The following FAM200B variants were observed in gnomAD, a reference collection of about 807,000 sequenced individuals.
FAM200B encodes the protein zinc finger BED-type containing 11.
FAM200B carries 32 observed loss-of-function variants against 33.1 expected under a neutral mutation model. That is an observed-to-expected ratio of 0.97 (90% CI 0.73 to 1.30). FAM200B has a LOEUF of 1.30. Ranked by LOEUF, FAM200B falls within the 50% of genes most tolerant of loss-of-function variation. FAM200B has a pLI of 0.00. For missense variants in FAM200B, 741 were observed against 754.0 expected (o/e 0.98, Z 0.20); for synonymous variants, 240 against 264.8 (o/e 0.91, Z 0.91).
intron 1 of FAM200B, among the ~76,000 whole-genome samples, chr4:15,684,409 A>G (rs1170653171): frequency 1.3e-5 from 2 of 152,254 alleles, no homozygotes; most frequent in Non-Finnish European, 2.9e-5. Flanking sequence ...AAGTCAAACA[A>G]AAGACTTTGT....
Position 15,687,745 on chromosome 4 carries a change from T to C in FAM200B, c.768T>C (p.Asp256=), listed in dbSNP as rs1430227332. ...CGTGGCAAGATGATTTTTTGGAGGA[T>C]TTTTTGTGTTTTTTAAATTTAACCT... ...RYAWQDDFLE[D]FLCFLNLTSH... is the part of the protein sequence containing the mutation. Residue 256 remains aspartate (D), a synonymous_variant, in exon 2 of 2, where the codon GAT becomes GAC. Coordinates refer to ENST00000422728, the MANE Select transcript of FAM200B (RefSeq NM_001145191.2). The C allele has an allele frequency of 2.6e-6, 4 of 1,550,422 alleles. No homozygotes were observed. The highest frequency in any genetic ancestry group is 2.0e-5 in the Admixed American group (1 of 50,894).
chr4:15,687,147 A>G lies in FAM200B; in HGVS notation c.170A>G (p.Lys57Arg), dbSNP rs1718926729. 2 of 1,547,710 alleles carry G rather than the reference A, an allele frequency of 1.3e-6. No homozygotes were observed. Among genetic ancestry groups the G allele is most frequent in the African/African-American group, 2.7e-5 (2 of 72,978 alleles). The change falls in exon 2 of 2, where the codon AAA (lysine) becomes AGA (arginine). Residue 57 changes from lysine (K) to arginine (R), a missense_variant. Transcript: ENST00000422728. Reference protein sequence around the residue: ...TSFEPHFKKKKVSARRYNEDY... With the variant: ...TSFEPHFKKKRVSARRYNEDY... Reference sequence around the variant, plus strand: ...TTTGAGCCACATTTCAAAAAGAAAAAAGTAAGTGCAAGACGTTATAATGAA... The same window carrying G: ...TTTGAGCCACATTTCAAAAAGAAAAGAGTAAGTGCAAGACGTTATAATGAA...
Position 15,687,963 on chromosome 4 carries a change from A to T in FAM200B, c.986A>T (p.His329Leu). Residue 329 changes from histidine (H) to leucine (L), a missense_variant, in exon 2 of 2, where the codon CAT (histidine) becomes CTT (leucine). Transcript: ENST00000422728. The part of the protein sequence containing the change: ...NGAVWNHCFI[H>L]REGLASREIP... ...GCTGTGTGGAATCATTGTTTTATAC[A>T]TCGTGAAGGTTTAGCATCCAGAGAA... 6.4e-7 allele frequency: 1 copy of T among 1,551,284 alleles called. No homozygotes were observed. Among genetic ancestry groups the T allele is most frequent in the South Asian group, 1.2e-5 (1 of 84,062 alleles).
At position 15,688,492 on chromosome 4, in the gene FAM200B, A is replaced by G; in HGVS notation, c.1515A>G (p.Lys505=). ...IINENILKEI[K]LEILLHLTSL... is the part of the protein sequence containing the mutation. ...ATGAAAACATTTTGAAAGAAATAAA[A>G]TTAGAGATATTGTTGCATCTCACTT... Residue 505 remains lysine, a synonymous_variant, in exon 2 of 2, where the codon AAA becomes AAG. Coordinates refer to ENST00000422728, the MANE Select transcript of FAM200B (RefSeq NM_001145191.2). 3.9e-6 allele frequency: 6 copies of G among 1,540,392 alleles called. No individual in the cohort carries two copies. The highest frequency in any genetic ancestry group is 5.3e-6 in the Non-Finnish European group (6 of 1,138,314).
chr4:15,683,240 G>C (rs1355145596), intron 1 of FAM200B, among the ~76,000 whole-genome samples: 1 of 151,956 alleles, frequency 6.6e-6, no homozygotes, highest in East Asian at 1.9e-4. Flanking sequence ...ATTTTCTTCT[G>C]ACAAACTTGC....
At chr4:15,652,969 T>G in the FAM200B span, among the ~76,000 whole-genome samples, 8 of 152,340 alleles carry the variant, frequency 5.3e-5, 1 homozygote, top group Admixed American at 5.2e-4. Context: ...AACAAGGTAC[T>G]CTTCCTTTAA....
chr4:15,642,450 G>C, the FAM200B span, among the ~76,000 whole-genome samples: 1 of 151,950 alleles, frequency 6.6e-6, no homozygotes, highest in Non-Finnish European at 1.5e-5. Context: ...TGGCCAGGCT[G>C]GTCTCGAACT....
chr4:15,666,321 C>T, the FAM200B span, among the ~76,000 whole-genome samples: 129 of 151,872 alleles, frequency 8.5e-4, no homozygotes, highest in Non-Finnish European at 1.5e-3. Flanking sequence ...ATTGCTTGAG[C>T]CCAGGATGGT....
chr4:15,637,065 A>G, the FAM200B span, among the ~76,000 whole-genome samples: 5 of 152,218 alleles, frequency 3.3e-5, no homozygotes, highest in Non-Finnish European at 5.9e-5. Context: ...TGAGATCTCC[A>G]AGGCATTTTT....
upstream of FAM200B, among the ~76,000 whole-genome samples, chr4:15,676,826 G>C (rs1718012045): frequency 6.6e-6 from 1 of 152,116 alleles, no homozygotes; most frequent in South Asian, 2.1e-4. Context: ...TTTCAGTTCT[G>C]TTAAGTACAT....
chr4:15,643,309 T>A, the FAM200B span, among the ~76,000 whole-genome samples: 1 of 152,218 alleles, frequency 6.6e-6, no homozygotes, highest in African/African-American at 2.4e-5. Context: ...TTCCAGAACA[T>A]AAATCTCCAG....
the FAM200B span, chr4:15,638,705 C>G: frequency 6.6e-7 from 1 of 1,520,910 alleles, no homozygotes; most frequent in Non-Finnish European, 8.9e-7. Context: ...CTAAATTAAA[C>G]AAAATATTCA....
At chr4:15,645,877 C>G in the FAM200B span, among the ~76,000 whole-genome samples, 2 of 152,096 alleles carry the variant, frequency 1.3e-5, no homozygotes, top group Non-Finnish European at 2.9e-5. Flanking sequence ...ATTTTTTACT[C>G]TATACAAATA....
At chr4:15,670,903 C>A in the FAM200B span, among the ~76,000 whole-genome samples, 4,593 of 134,314 alleles carry the variant, frequency 0.034, 227 homozygotes, top group African/African-American at 0.12. Context: ...GACATTTTCT[C>A]TGTGCGTAGA....
chr4:15,671,161 T>A, the FAM200B span, among the ~76,000 whole-genome samples: 1 of 151,618 alleles, frequency 6.6e-6, no homozygotes, highest in African/African-American at 2.4e-5. Flanking sequence ...TGACCTCAAG[T>A]GATTTGCCAG....
upstream of FAM200B, among the ~76,000 whole-genome samples, chr4:15,679,282 G>T (rs928318581): frequency 1.3e-5 from 2 of 151,876 alleles, no homozygotes; most frequent in Non-Finnish European, 2.9e-5. Context: ...AGGATCTCCT[G>T]ATCTCATGAT....
At position 15,686,496 on chromosome 4, in the gene FAM200B, T is replaced by C. The variant is rs935271389; in HGVS notation, c.-482T>C. The stretch of plus-strand genomic sequence containing the variant: ...ACAGCAAAGGCACAAAATGTCTCTA[T>C]ATCAGTATTTTTCATGGTATATGTG... On this transcript the variant is annotated 5_prime_UTR_variant, in exon 2 of 2. Transcript: ENST00000422728. 4 of 152,320 alleles carry C rather than the reference T, an allele frequency of 2.6e-5. No homozygotes were observed. Among genetic ancestry groups the C allele is most frequent in the African/African-American group, 9.7e-5 (4 of 41,444 alleles). The allele number at this position is 152,320 out of a possible 1,614,324, so 9.4% of individuals were successfully genotyped here.
At chr4:15,681,557 A>T (rs1486003918), upstream of FAM200B, 1 of 154,216 alleles carries the variant, frequency 6.5e-6, no homozygotes, top group African/African-American at 2.4e-5. Flanking sequence ...GGTGTCTCCT[A>T]GGGTTTCTTG....
In FAM200B at chr4:15,681,842, C is replaced by T. The variant is rs936003896; in HGVS notation, c.-802C>T. 6.5e-6 allele frequency: 1 copy of T among 152,824 alleles called. No homozygotes were observed. Among genetic ancestry groups the T allele is most frequent in the Non-Finnish European group, 1.5e-5 (1 of 68,496 alleles). The allele number at this position is 152,824 out of a possible 1,614,324, so 9.5% of individuals were successfully genotyped here. A position where few individuals can be genotyped will look rare whatever the true frequency, so the allele number is the denominator to read the frequency against. ...TGGGGAGAGCAGAGGCGCAGCTCTG[C>T]TGGAGAGACCTGAGGCTTGCAGCGC... On this transcript the variant is annotated 5_prime_UTR_variant, in exon 1 of 2. Transcript: ENST00000422728.
Sources: gnomAD v4.1 joint callset for allele counts (sites outside exome capture counted in the v4.1 genomes callset) on GRCh38, gnomAD v4.1.1 for gene constraint, MANE v1.5 for transcripts, NCBI Gene and HGNC (gene_info 2026-07-23, HGNC 2026-07-21) for gene names.